MARCHF1: variants seen among roughly 807,000 people sequenced by gnomAD.
MARCHF1 encodes the protein membrane associated ring-CH-type finger 1.
In MARCHF1, 40 loss-of-function variants were observed where a neutral mutation model predicts 54.2. The ratio of observed to expected loss-of-function variants is 0.74; its 90% confidence interval spans 0.57 to 0.96. The LOEUF is 0.96. Among genes scored for constraint, MARCHF1 ranks in the 40% least tolerant of loss-of-function variants. The probability of loss-of-function intolerance (pLI) is 0.00; values close to 1 mark genes in which losing one functional copy is unlikely to be tolerated. For synonymous variants in MARCHF1, 236 were observed against 236.3 expected, an observed-to-expected ratio of 1.00 and a Z score of 0.01; for missense variants, 586 against 656.5, an observed-to-expected ratio of 0.89 and a Z score of 1.17.
At chr4:164,345,382 C>A (rs1423829325) in intron 1 of MARCHF1, among the ~76,000 whole-genome samples, 2 of 151,930 alleles carry the variant, frequency 1.3e-5, no homozygotes, top group African/African-American at 4.8e-5. Context: ...GCCTGGGGAA[C>A]ATGGTGAATC....
chr4:164,189,156 G>A (rs2111042399), intron 1 of MARCHF1: 1 of 589,772 alleles, frequency 1.7e-6, no homozygotes, highest in Non-Finnish European at 3.1e-6. Context: ...ACTATGACTA[G>A]CGTGTCATGG....
rs1742631611 is a variant in MARCHF1, at chr4:163,643,329, A to AAAATAAAAAT, written c.163-29946_163-29937dup. ...AGTGACAGAGTGAGACCCTGTCTCA[A>AAAATAAAAAT]AAATAAAAATAAAAATAAAAATAAA... is the stretch of plus-strand genomic sequence containing the variant. On this transcript the variant is annotated intron_variant, in intron 5 of 9. Coordinates refer to ENST00000514618, the MANE Select transcript of MARCHF1 (RefSeq NM_001394959.1). 8.0e-5 allele frequency among the ~76,000 whole-genome samples: 12 copies of AAAATAAAAAT among 149,996 alleles called. No homozygotes were observed. In the East Asian group the frequency reaches 2.4e-3, roughly 30 times the overall value.
intron 1 of MARCHF1, among the ~76,000 whole-genome samples, chr4:164,193,893 A>G (rs1731186520): frequency 6.6e-6 from 1 of 152,212 alleles, no homozygotes; most frequent in Non-Finnish European, 1.5e-5. Context: ...CACTTACCCT[A>G]AGAAATTTCA....
At chr4:164,051,084 A>G (rs968969668) in intron 2 of MARCHF1, among the ~76,000 whole-genome samples, 1 of 152,166 alleles carries the variant, frequency 6.6e-6, no homozygotes, top group African/African-American at 2.4e-5. Context: ...GAGAGATTAC[A>G]TCACTCCTGT....
At chr4:164,093,196 G>A (rs1293505853) in intron 2 of MARCHF1, among the ~76,000 whole-genome samples, 7 of 152,100 alleles carry the variant, frequency 4.6e-5, no homozygotes, top group Admixed American at 6.6e-5. Context: ...ACTGGAGATA[G>A]TATACCTTAA....
At chr4:164,357,356 G>A (rs952929611) in intron 1 of MARCHF1, among the ~76,000 whole-genome samples, 27 of 152,078 alleles carry the variant, frequency 1.8e-4, no homozygotes, top group African/African-American at 6.5e-4. Flanking sequence ...TCACTTCATT[G>A]TCTTTCTGCC....
chr4:164,168,473 C>G (rs1299404384), intron 1 of MARCHF1, among the ~76,000 whole-genome samples: 2 of 151,936 alleles, frequency 1.3e-5, no homozygotes, highest in African/African-American at 4.8e-5. Flanking sequence ...TTCACAATAG[C>G]CAAGATCTGG....
At chr4:164,251,089 C>T (rs115042370) in intron 1 of MARCHF1, among the ~76,000 whole-genome samples, 2,458 of 152,234 alleles carry the variant, frequency 0.016, 30 homozygotes, top group Non-Finnish European at 0.029. Flanking sequence ...CATACATGAT[C>T]ATCACCAATG....
chr4:164,052,462 G>A (rs1490598470), intron 2 of MARCHF1, among the ~76,000 whole-genome samples: 4 of 152,066 alleles, frequency 2.6e-5, no homozygotes, highest in Non-Finnish European at 5.9e-5. Flanking sequence ...AACCCGGGAG[G>A]TGGAGGTTGC....
chr4:163,858,457 A>T (rs545113078), intron 3 of MARCHF1, among the ~76,000 whole-genome samples: 1 of 152,244 alleles, frequency 6.6e-6, no homozygotes, highest in Admixed American at 6.5e-5. Flanking sequence ...CCACATGCAT[A>T]GAACTGAGAA....
chr4:164,208,544 T>C (rs1415752771), intron 1 of MARCHF1, among the ~76,000 whole-genome samples: 2 of 152,180 alleles, frequency 1.3e-5, no homozygotes, highest in Non-Finnish European at 2.9e-5. Flanking sequence ...CCTCCTTACT[T>C]GGATTTGCCT....
intron 8 of MARCHF1, among the ~76,000 whole-genome samples, chr4:163,549,245 T>C (rs78179266): frequency 0.14 from 20,608 of 152,148 alleles, 1,974 homozygotes; most frequent in Admixed American, 0.24. Context: ...ACATGCCCCC[T>C]AGAAAATACA....
chr4:164,239,819 C>A (rs1454648208), intron 1 of MARCHF1, among the ~76,000 whole-genome samples: 2 of 152,080 alleles, frequency 1.3e-5, no homozygotes, highest in Non-Finnish European at 2.9e-5. Context: ...TCTTTGACTT[C>A]CTCAGCAATT....
At chr4:163,624,933 C>A (rs1210493786) in intron 5 of MARCHF1, among the ~76,000 whole-genome samples, 1 of 152,174 alleles carries the variant, frequency 6.6e-6, no homozygotes, top group East Asian at 1.9e-4. Context: ...AGTTACAACC[C>A]CAGTCATTTC....
chr4:163,925,282 C>T (rs987644404), intron 3 of MARCHF1, among the ~76,000 whole-genome samples: 1 of 151,770 alleles, frequency 6.6e-6, no homozygotes, highest in Non-Finnish European at 1.5e-5. Context: ...AGTAGAACCC[C>T]AGATATGCAG....
rs968945906 is a variant in MARCHF1 at position 163,890,891 on chromosome 4, AG to A, written c.-38-36723del. ...AAATTTCTGCTAGATTTCAAACCTC[AG>A]TTTTTTTTTTTGTTTCCTAGTATAA... is the stretch of plus-strand genomic sequence containing the variant. On this transcript the variant is annotated intron_variant, in intron 3 of 9. Transcript: ENST00000514618. Among the ~76,000 whole-genome samples the A allele has an allele frequency of 7.2e-4, 108 of 149,252 alleles. 1 individual carries two copies. The highest frequency in any genetic ancestry group is 1.3e-3 in the South Asian group (6 of 4,710).
chr4:163,708,499 G>C, intron 4 of MARCHF1, among the ~76,000 whole-genome samples: 1 of 152,192 alleles, frequency 6.6e-6, no homozygotes, highest in Non-Finnish European at 1.5e-5. Flanking sequence ...ATTTATAGTA[G>C]AGCCAAACCT....
At chr4:164,041,012 TC>T (rs1456268928) in intron 2 of MARCHF1, among the ~76,000 whole-genome samples, 2 of 152,104 alleles carry the variant, frequency 1.3e-5, no homozygotes, top group African/African-American at 2.4e-5. Flanking sequence ...TTTTATTAGC[TC>T]TTGGATAATA....
chr4:163,932,752 T>C, intron 3 of MARCHF1: 1 of 557,996 alleles, frequency 1.8e-6, no homozygotes, highest in East Asian at 4.3e-5. Context: ...TTGCAGCTGA[T>C]TAAGGACTAC....
Sources: allele counts gnomAD v4.1 joint callset (sites outside exome capture counted in the v4.1 genomes callset), GRCh38; gene constraint gnomAD v4.1.1; transcripts MANE v1.5; gene names NCBI Gene and HGNC (gene_info 2026-07-23, HGNC 2026-07-21).